The following EDEM3 variants were observed in gnomAD, a reference collection of about 807,000 sequenced individuals.
EDEM3 encodes the protein ER degradation-enhancing alpha-mannosidase-like protein 3.
EDEM3 carries 60 observed loss-of-function variants against 110.2 expected under a neutral mutation model. That is an observed-to-expected ratio of 0.54 (90% CI 0.44 to 0.67). EDEM3 has a LOEUF of 0.67. Among genes scored for constraint, EDEM3 ranks in the 30% least tolerant of loss-of-function variants. The pLI is 0.00. For synonymous variants in EDEM3, 352 were observed against 382.9 expected, an observed-to-expected ratio of 0.92 and a Z score of 0.94; for missense variants, 996 against 1,121.0, an observed-to-expected ratio of 0.89 and a Z score of 1.59.
chr1:184,717,725 A>T (rs1354916692), intron 11 of EDEM3, 102 bp from the exon 12 acceptor site: 2 of 723,900 alleles, frequency 2.8e-6, no homozygotes, highest in Non-Finnish European at 4.1e-6. Flanking sequence ...CAATTAAAAT[A>T]GCAATCAGGA....
intron 19 of EDEM3, among the ~76,000 whole-genome samples, chr1:184,696,786 C>A (rs1649353296): frequency 1.3e-5 from 2 of 151,960 alleles, no homozygotes; most frequent in Non-Finnish European, 2.9e-5. Flanking sequence ...CTCCAAGTTT[C>A]TTTCTAGATT....
rs565436608 is a variant in EDEM3 at position 184,694,534 on chromosome 1, C to A, written c.2390-62G>T. 4.8e-4 allele frequency: 695 copies of A among 1,440,282 alleles called. 2 individuals carry two copies. Among genetic ancestry groups the A allele is most frequent in the Non-Finnish European group, 6.1e-4 (661 of 1,087,306 alleles). The allele number at this position is 1,440,282 out of a possible 1,614,324, so 89.2% of individuals were successfully genotyped here. On this transcript the variant is annotated intron_variant, in intron 19 of 19. Coordinates refer to ENST00000318130, the MANE Select transcript of EDEM3 (RefSeq NM_025191.4). ...TAAAAAAATGTACTATTACACTTTC[C>A]AAAGCATATTGGTTTTTGCAACAAG...
intron 7 of EDEM3, among the ~76,000 whole-genome samples, chr1:184,724,907 C>G (rs1368077267): frequency 6.6e-6 from 1 of 152,120 alleles, no homozygotes; most frequent in Admixed American, 6.6e-5. Flanking sequence ...GACCAAGGGT[C>G]AGCAAACCTT....
At position 184,719,440 on chromosome 1, in the gene EDEM3, T is replaced by C; in HGVS notation, c.1077+3A>G. 1 of 1,609,660 alleles carries C rather than the reference T, an allele frequency of 6.2e-7. No individual in the cohort carries two copies. The highest frequency in any genetic ancestry group is 8.5e-7 in the Non-Finnish European group (1 of 1,178,766). On this transcript the variant is annotated splice_donor_region_variant and intron_variant, in intron 10 of 19. Coordinates refer to ENST00000318130, the MANE Select transcript of EDEM3 (RefSeq NM_025191.4). ...CATATTAAGAAGACAGAATTCTTTA[T>C]ACCTGCAAGCCTGGGAAGAAGGCAA...
chr1:184,736,504 CT>C lies in EDEM3; in HGVS notation c.345+520del, dbSNP rs1413592865. Among the ~76,000 whole-genome samples, 5 of 152,190 alleles carry C rather than the reference CT, an allele frequency of 3.3e-5. No individual in the cohort carries two copies. In the East Asian group the frequency reaches 9.7e-4, roughly 29 times the overall value. On this transcript the variant is annotated intron_variant, in intron 4 of 19. Transcript: ENST00000318130. Reference sequence around the variant, plus strand: ...GAAATCATGACATCTGTAACTCAATCTTTCCCCTCTGTCATCACAAACAGTC... The same window carrying C: ...GAAATCATGACATCTGTAACTCAATCTTCCCCTCTGTCATCACAAACAGTC...
chr1:184,715,205 T>C (rs562288563), intron 13 of EDEM3, among the ~76,000 whole-genome samples: 73 of 152,240 alleles, frequency 4.8e-4, no homozygotes, highest in African/African-American at 1.7e-3. Flanking sequence ...TTATATATAC[T>C]GGAATGCAAT....
intron 2 of EDEM3, among the ~76,000 whole-genome samples, chr1:184,739,074 A>T (rs1300493361): frequency 1.3e-5 from 2 of 151,932 alleles, no homozygotes; most frequent in Non-Finnish European, 2.9e-5. Context: ...TCTAAATACT[A>T]CTTTTAAAAC....
chr1:184,730,412 A>G (rs1651442593), intron 6 of EDEM3, among the ~76,000 whole-genome samples: 1 of 152,064 alleles, frequency 6.6e-6, no homozygotes, highest in South Asian at 2.1e-4. Context: ...TGAGAACTCC[A>G]TCTCTACAAA....
chr1:184,694,043 C>A lies in EDEM3; in HGVS notation c.*20G>T. On this transcript the variant is annotated 3_prime_UTR_variant, in exon 20 of 20. Coordinates refer to ENST00000318130, the MANE Select transcript of EDEM3 (RefSeq NM_025191.4). ...TTTACCTTTTCTTTTTAAATACCTA[C>A]CAACAGATTGTTTAGCAAGTCATAG... 7 of 1,600,944 alleles carry A rather than the reference C, an allele frequency of 4.4e-6. No homozygotes were observed. The highest frequency in any genetic ancestry group is 6.0e-6 in the Non-Finnish European group (7 of 1,173,380).
chr1:184,747,326 A>G (rs1652486853), intron 2 of EDEM3, among the ~76,000 whole-genome samples: 1 of 152,176 alleles, frequency 6.6e-6, no homozygotes, highest in East Asian at 1.9e-4. Context: ...AAACCTATAC[A>G]CTTTTACCCT....
In EDEM3 at chr1:184,747,500, G is replaced by T. The variant is rs78725957; in HGVS notation, c.204+2047C>A. Among the ~76,000 whole-genome samples the T allele has an allele frequency of 2.8e-3, 423 of 152,202 alleles. 4 individuals are homozygous for T. In the East Asian group the frequency reaches 0.035, roughly 13 times the overall value. ...AGTGTAAATTCTAGACTAAATCTTG[G>T]GTTACAGACCTCACACAGATTGAAT... On this transcript the variant is annotated intron_variant, in intron 2 of 19. Coordinates refer to ENST00000318130, the MANE Select transcript of EDEM3 (RefSeq NM_025191.4).
chr1:184,720,509 CTTTT>C (rs34268021), intron 9 of EDEM3: 4 of 127,448 alleles, frequency 3.1e-5, no homozygotes, highest in East Asian at 2.3e-4. Flanking sequence ...ATCTCCCATA[CTTTT>C]TTTTTTTTTT....
At chr1:184,750,500 ATTTT>A (rs914278248) in intron 1 of EDEM3, among the ~76,000 whole-genome samples, 1 of 147,488 alleles carries the variant, frequency 6.8e-6, no homozygotes, top group Non-Finnish European at 1.5e-5. Context: ...CAGCTTAACA[ATTTT>A]TTATTAACTT....
At chr1:184,700,941 C>T (rs879653573) in intron 19 of EDEM3, among the ~76,000 whole-genome samples, 5 of 151,942 alleles carry the variant, frequency 3.3e-5, no homozygotes, top group Non-Finnish European at 7.4e-5. Flanking sequence ...CAAAAGATCA[C>T]TCTATAACAA....
At chr1:184,732,150 T>C (rs1475846348) in intron 6 of EDEM3, among the ~76,000 whole-genome samples, 1 of 151,882 alleles carries the variant, frequency 6.6e-6, no homozygotes, top group African/African-American at 2.4e-5. Context: ...CACTTCAGCC[T>C]AGGTGACAGT....
rs1650251859 is a variant in EDEM3, at chr1:184,711,799, G to C, written c.1615C>G (p.Pro539Ala). The change falls in exon 15 of 20, where the codon CCA becomes GCA. Residue 539 changes from proline to alanine, a missense_variant. Coordinates refer to ENST00000318130, the MANE Select transcript of EDEM3 (RefSeq NM_025191.4). ...TCACGAATACTTTGAGCATACAATG[G>C]GTCATTAGGAAAGAGGATCTGAGTA... ...PNTQILFPNDPLYAQSIREPL... is the reference protein window; with the variant it reads ...PNTQILFPNDALYAQSIREPL... The C allele has an allele frequency of 1.9e-5, 30 of 1,613,380 alleles. No individual in the cohort carries two copies. Among genetic ancestry groups the C allele is most frequent in the Non-Finnish European group, 2.4e-5 (28 of 1,179,550 alleles).
intron 6 of EDEM3, among the ~76,000 whole-genome samples, chr1:184,727,754 A>G (rs1288848452): frequency 1.3e-5 from 2 of 152,206 alleles, no homozygotes; most frequent in Non-Finnish European, 2.9e-5. Context: ...TTAGTCTAGC[A>G]GTACCCCTCC....
intron 13 of EDEM3, 87 bp downstream of exon 13, chr1:184,716,801 T>G (rs1022257481): frequency 7.0e-5 from 107 of 1,537,828 alleles, no homozygotes; most frequent in South Asian, 8.8e-5. Flanking sequence ...GTAAAAGAAT[T>G]AAACTTATTT....
At chr1:184,720,701 T>C (rs998832789) in intron 9 of EDEM3, 6 of 152,600 alleles carry the variant, frequency 3.9e-5, no homozygotes, top group African/African-American at 9.6e-5. Context: ...AAATGGTAGA[T>C]TAGTTTAAAA....
Sources: gnomAD v4.1 joint callset for allele counts (sites outside exome capture counted in the v4.1 genomes callset) on GRCh38, gnomAD v4.1.1 for gene constraint, MANE v1.5 for transcripts, NCBI Gene and HGNC (gene_info 2026-07-23, HGNC 2026-07-21) for gene names.